The following DGKI variants were observed in gnomAD, a reference collection of about 807,000 sequenced individuals.
DGKI encodes diacylglycerol kinase iota.
DGKI carries 55 observed loss-of-function variants against 147.5 expected under a neutral mutation model. That is an observed-to-expected ratio of 0.37 (90% CI 0.30 to 0.47). The LOEUF (loss-of-function observed/expected upper bound fraction) is 0.47, where lower values mean the gene tolerates loss of function less well. DGKI is among the 20% of genes least tolerant of loss of function. DGKI has a pLI of 1.00. For synonymous variants in DGKI, 469 were observed against 477.1 expected (o/e 0.98, Z 0.22); for missense variants, 1,007 against 1,323.8 (o/e 0.76, Z 3.71).
At chr7:137,544,356 T>C (rs1468068971) in intron 20 of DGKI, among the ~76,000 whole-genome samples, 2 of 152,114 alleles carry the variant, frequency 1.3e-5, no homozygotes, top group African/African-American at 2.4e-5. Context: ...ATATAGAATA[T>C]AGAATTTTAC....
chr7:137,530,632 T>C (rs1286199327), intron 20 of DGKI, among the ~76,000 whole-genome samples: 1 of 152,168 alleles, frequency 6.6e-6, no homozygotes, highest in Non-Finnish European at 1.5e-5. Flanking sequence ...AAATTACTGA[T>C]CCCCATATGG....
chr7:137,803,440 T>A (rs1350231503), intron 1 of DGKI, among the ~76,000 whole-genome samples: 2 of 152,238 alleles, frequency 1.3e-5, no homozygotes, highest in African/African-American at 4.8e-5. Context: ...GATCCTCATA[T>A]GAATCCTATC....
At chr7:137,731,234 G>A (rs559590961) in intron 1 of DGKI, among the ~76,000 whole-genome samples, 4 of 151,916 alleles carry the variant, frequency 2.6e-5, no homozygotes, top group South Asian at 2.1e-4. Context: ...CTTCCAAACC[G>A]TCTTCATTCA....
intron 1 of DGKI, among the ~76,000 whole-genome samples, chr7:137,713,681 A>T (rs1794284260): frequency 6.6e-6 from 1 of 151,792 alleles, no homozygotes; most frequent in Admixed American, 6.6e-5. Context: ...TCTTTTTGTC[A>T]CTCAAGCTGG....
chr7:137,523,389 T>G (rs1205913312), intron 20 of DGKI, among the ~76,000 whole-genome samples: 1 of 152,094 alleles, frequency 6.6e-6, no homozygotes, highest in Non-Finnish European at 1.5e-5. Flanking sequence ...TATCAAACTA[T>G]AGATACATAT....
intron 2 of DGKI, among the ~76,000 whole-genome samples, chr7:137,679,561 C>T (rs112558836): frequency 0.027 from 4,143 of 152,106 alleles, 110 homozygotes; most frequent in Non-Finnish European, 0.039. Flanking sequence ...ATTAGATTAA[C>T]CATAAAGAAA....
rs535571314 is a variant in DGKI, at chr7:137,582,784, T to C, written c.1564-856A>G. 4.3e-4 allele frequency among the ~76,000 whole-genome samples: 65 copies of C among 152,264 alleles called. 2 individuals carry two copies. The South Asian group carries it at 4.6e-3, about 11-fold the overall frequency. ...AATGTGATTTTAAGCTTCAGTTAAA[T>C]GTTAGAACAATTAAGAAAGCATGCG... is the stretch of plus-strand genomic sequence containing the variant. On this transcript the variant is annotated intron_variant, in intron 14 of 32. Transcript: ENST00000614521.
chr7:137,485,260 A>G (rs1815512150), intron 23 of DGKI, 114 bp downstream of exon 23: 1 of 829,076 alleles, frequency 1.2e-6, no homozygotes, highest in South Asian at 1.8e-5. Context: ...GATTCTTAGA[A>G]TGAACTCTAT....
chr7:137,473,396 C>T (rs1263848962), intron 23 of DGKI, among the ~76,000 whole-genome samples: 1 of 152,058 alleles, frequency 6.6e-6, no homozygotes, highest in African/African-American at 2.4e-5. Flanking sequence ...CTTGAACTCT[C>T]CAAAATTGTA....
chr7:137,456,252 T>C (rs1253861458), intron 27 of DGKI, among the ~76,000 whole-genome samples: 2 of 152,188 alleles, frequency 1.3e-5, no homozygotes, highest in Non-Finnish European at 2.9e-5. Context: ...TCCAGCATAC[T>C]TATATTCAAA....
At chr7:137,393,441 G>A (rs1487879807) in intron 32 of DGKI, among the ~76,000 whole-genome samples, 1 of 152,070 alleles carries the variant, frequency 6.6e-6, no homozygotes, top group African/African-American at 2.4e-5. Context: ...CAGCCTTTGT[G>A]TGGTAAAGAG....
chr7:137,557,227 C>T (rs943958948), intron 19 of DGKI, among the ~76,000 whole-genome samples: 19 of 152,238 alleles, frequency 1.2e-4, no homozygotes, highest in Non-Finnish European at 1.9e-4. Context: ...GACTAATATA[C>T]TTATAAAAAT....
intron 20 of DGKI, among the ~76,000 whole-genome samples, chr7:137,527,892 G>T (rs1485547628): frequency 6.6e-6 from 1 of 152,032 alleles, no homozygotes; most frequent in Non-Finnish European, 1.5e-5. Context: ...ATTTGAACTG[G>T]CTCGTTTTAT....
intron 1 of DGKI, among the ~76,000 whole-genome samples, chr7:137,731,687 G>C (rs946788033): frequency 1.4e-4 from 22 of 152,024 alleles, no homozygotes; most frequent in Admixed American, 1.4e-3. Flanking sequence ...CTTGATTTCT[G>C]GAACTAGTTG....
intron 1 of DGKI, among the ~76,000 whole-genome samples, chr7:137,766,498 G>T (rs1031518621): frequency 5.9e-5 from 9 of 152,166 alleles, no homozygotes; most frequent in African/African-American, 2.2e-4. Flanking sequence ...CACAAAGAAA[G>T]TTACAAATCT....
At chr7:137,605,489 A>T (rs1485336247) in intron 10 of DGKI, among the ~76,000 whole-genome samples, 1 of 152,082 alleles carries the variant, frequency 6.6e-6, no homozygotes, top group South Asian at 2.1e-4. Context: ...TGTCATCGCT[A>T]CCTTAAGAGT....
chr7:137,536,241 T>C (rs960898711), intron 20 of DGKI, among the ~76,000 whole-genome samples: 1 of 152,164 alleles, frequency 6.6e-6, no homozygotes, highest in African/African-American at 2.4e-5. Flanking sequence ...CATGCAATCA[T>C]AGGCAAGTTT....
At chr7:137,496,516 A>AT (rs1314187204) in intron 21 of DGKI, among the ~76,000 whole-genome samples, 8 of 151,874 alleles carry the variant, frequency 5.3e-5, no homozygotes, top group South Asian at 2.1e-4. Flanking sequence ...AATAATAATA[A>AT]AAAAAAAGCT....
In DGKI at chr7:137,689,907, G is replaced by T; in HGVS notation, c.497C>A (p.Thr166Asn). Residue 166 changes from threonine to asparagine, a missense_variant, in exon 2 of 33, where the codon ACT (threonine) becomes AAT (asparagine). By Grantham distance (65) the Thr-to-Asn change is moderately conservative. Coordinates refer to ENST00000614521, the MANE Select transcript of DGKI (RefSeq NM_001321708.2). Reference sequence around the variant, plus strand: ...GCCAACACCTACACTCCAGTCCAAAGTCGCTCTGGGCTCCTTGGCTGGACC... The same window carrying T: ...GCCAACACCTACACTCCAGTCCAAATTCGCTCTGGGCTCCTTGGCTGGACC... ...ANGPAKEPRA[T>N]LDWSENAVNG... is the part of the protein sequence containing the mutation. 2 of 1,588,940 alleles carry T rather than the reference G, an allele frequency of 1.3e-6. No individual in the cohort carries two copies. Among genetic ancestry groups the T allele is most frequent in the Non-Finnish European group, 1.7e-6 (2 of 1,170,032 alleles).
Sources: gnomAD v4.1 joint callset for allele counts (sites outside exome capture counted in the v4.1 genomes callset) on GRCh38, gnomAD v4.1.1 for gene constraint, MANE v1.5 for transcripts, NCBI Gene and HGNC (gene_info 2026-07-23, HGNC 2026-07-21) for gene names.